SLCO2B1: variants seen among roughly 807,000 people sequenced by gnomAD.
SLCO2B1 encodes the protein OATP-RP2.
A neutral mutation model predicts 67.3 loss-of-function variants in SLCO2B1; 41 were observed. That is an observed-to-expected ratio of 0.61 (90% CI 0.47 to 0.79). The LOEUF is 0.79. Ranked by LOEUF, SLCO2B1 falls within the 30% of genes least tolerant of loss-of-function variation. The pLI is 0.00. For missense variants in SLCO2B1, 837 were observed against 920.1 expected, an observed-to-expected ratio of 0.91 and a Z score of 1.17; for synonymous variants, 379 against 381.4, an observed-to-expected ratio of 0.99 and a Z score of 0.07.
chr11:75,188,292 A>T, intron 8 of SLCO2B1, 54 bp downstream of exon 8: 1 of 1,168,374 alleles, frequency 8.6e-7, no homozygotes, highest in Non-Finnish European at 1.3e-6. Flanking sequence ...GGTCTTCGAG[A>T]TTGTCAGGAT....
chr11:75,197,334 T>C (rs376608564), intron 10 of SLCO2B1, among the ~76,000 whole-genome samples: 82 of 152,304 alleles, frequency 5.4e-4, no homozygotes, highest in African/African-American at 1.9e-3. Context: ...GAAGCCTTCA[T>C]GGGAAGTGGC....
chr11:75,178,534 T>C (rs1950054017), intron 7 of SLCO2B1, among the ~76,000 whole-genome samples: 1 of 152,260 alleles, frequency 6.6e-6, no homozygotes, highest in South Asian at 2.1e-4. Flanking sequence ...AAATTATATG[T>C]ATTTATGGTG....
intron 10 of SLCO2B1, 30 bp downstream of exon 10, chr11:75,196,709 C>A: frequency 1.2e-6 from 2 of 1,601,130 alleles, no homozygotes; most frequent in East Asian, 2.2e-5. Context: ...GCAACCTCTG[C>A]CCCTCAGGAC....
In SLCO2B1 at chr11:75,193,855, C is replaced by A. The variant is rs891724902; in HGVS notation, c.1433+280C>A. Among the ~76,000 whole-genome samples the A allele has an allele frequency of 6.6e-6, 1 of 152,154 alleles. No homozygotes were observed. Among genetic ancestry groups the A allele is most frequent in the East Asian group, 1.9e-4 (1 of 5,174 alleles). On this transcript the variant is annotated intron_variant, in intron 9 of 13. Coordinates refer to ENST00000289575, the MANE Select transcript of SLCO2B1 (RefSeq NM_007256.5). This position sits in a 1 kb window ranked among gnomAD's most constrained non-coding sequence, Gnocchi z 4.2. ...GGAGGCTGAGATAGGGCAGAGCCAC[C>A]CATGGGATGGCATGTCCAGGGTGAC...
chr11:75,163,953 C>G lies in SLCO2B1; in HGVS notation c.148-10C>G. The G allele has an allele frequency of 6.3e-7, 1 of 1,592,620 alleles. No individual in the cohort carries two copies. Among genetic ancestry groups the G allele is most frequent in the South Asian group, 1.1e-5 (1 of 87,626 alleles). ...CGCCCACCTCTGCCTGCCTCCGGGT[C>G]CCCCCACAGCTGTTCGTTCTGTGCC... On this transcript the variant is annotated splice_polypyrimidine_tract_variant and intron_variant, in intron 2 of 13. Coordinates refer to ENST00000289575, the MANE Select transcript of SLCO2B1 (RefSeq NM_007256.5).
chr11:75,184,963 G>A (rs758448720), intron 7 of SLCO2B1, among the ~76,000 whole-genome samples: 1 of 152,094 alleles, frequency 6.6e-6, no homozygotes, highest in Non-Finnish European at 1.5e-5. Flanking sequence ...TTTCTGCCAT[G>A]CCACAAACAT....
intron 7 of SLCO2B1, among the ~76,000 whole-genome samples, chr11:75,176,484 T>C (rs1950025373): frequency 1.3e-5 from 2 of 152,250 alleles, no homozygotes; most frequent in African/African-American, 2.4e-5. Context: ...GGTTTTAAAG[T>C]CTGTGTTCCT....
At chr11:75,177,916 G>C (rs953763583) in intron 7 of SLCO2B1, among the ~76,000 whole-genome samples, 13 of 151,924 alleles carry the variant, frequency 8.6e-5, no homozygotes, top group African/African-American at 2.7e-4. Context: ...ACCAAATGGT[G>C]AAACCCGTCT....
intron 7 of SLCO2B1, among the ~76,000 whole-genome samples, chr11:75,175,843 T>C (rs1335346131): frequency 2.0e-5 from 3 of 152,156 alleles, no homozygotes; most frequent in Non-Finnish European, 4.4e-5. Flanking sequence ...ATTTCTCCCA[T>C]GGCCATGATT....
intron 7 of SLCO2B1, among the ~76,000 whole-genome samples, chr11:75,175,535 C>A (rs757601421): frequency 1.3e-4 from 20 of 152,066 alleles, no homozygotes; most frequent in African/African-American, 2.4e-5. Context: ...GAAGTAAATG[C>A]TGTTTTTAAA....
rs368074989 is a variant in SLCO2B1, at chr11:75,163,960, C to T, written c.148-3C>T. The T allele has an allele frequency of 4.9e-5, 79 of 1,596,288 alleles. No homozygotes were observed. Among genetic ancestry groups the T allele is most frequent in the Admixed American group, 1.7e-5 (1 of 57,814 alleles). On this transcript the variant is annotated splice_region_variant and splice_polypyrimidine_tract_variant and intron_variant, in intron 2 of 13. Coordinates refer to ENST00000289575, the MANE Select transcript of SLCO2B1 (RefSeq NM_007256.5). ...CTCTGCCTGCCTCCGGGTCCCCCCA[C>T]AGCTGTTCGTTCTGTGCCACAGCCT... is the stretch of plus-strand genomic sequence containing the variant.
rs78922583 is a variant in SLCO2B1 at position 75,186,857 on chromosome 11, G to A, written c.973-1279G>A. Among the ~76,000 whole-genome samples the A allele has an allele frequency of 2.1e-3, 320 of 152,326 alleles. 3 individuals are homozygous for A. Among genetic ancestry groups the A allele is most frequent in the African/African-American group, 7.5e-3 (312 of 41,568 alleles). ...TCACACAGTTTTGTGTTAGAGAAAT[G>A]TAGGTAGAGTACTCTGGGGCCTTGG... On this transcript the variant is annotated intron_variant, in intron 7 of 13. Transcript: ENST00000289575.
intron 2 of SLCO2B1, among the ~76,000 whole-genome samples, chr11:75,163,464 G>A (rs966829676): frequency 1.3e-5 from 2 of 152,038 alleles, no homozygotes; most frequent in Non-Finnish European, 2.9e-5. Context: ...AGTGGGGGTG[G>A]GATGGAGAAG....
intron 11 of SLCO2B1, chr11:75,200,598 A>T: frequency 2.0e-6 from 1 of 500,970 alleles, no homozygotes; most frequent in South Asian, 3.4e-5. Context: ...GGCTCAGAGA[A>T]GTTCAGGAGC....
intron 8 of SLCO2B1, among the ~76,000 whole-genome samples, chr11:75,190,182 C>T (rs916571197): frequency 2.0e-5 from 3 of 152,162 alleles, no homozygotes; most frequent in Non-Finnish European, 2.9e-5. Context: ...GGCTTCTGCC[C>T]GGAGGGAAGC....
At chr11:75,203,100 T>A in intron 12 of SLCO2B1, 135 bp downstream of exon 12, 1 of 1,140,312 alleles carries the variant, frequency 8.8e-7, no homozygotes, top group Non-Finnish European at 1.3e-6. Context: ...GTGACAGACC[T>A]GGCCCAGCTC....
intron 1 of SLCO2B1, among the ~76,000 whole-genome samples, chr11:75,153,931 T>TTC (rs1403573520): frequency 6.7e-6 from 1 of 150,268 alleles, no homozygotes; most frequent in Non-Finnish European, 1.5e-5. Context: ...GTACTTTTTT[T>TTC]TTTTTTTTTT....
chr11:75,183,337 C>T (rs904468811), intron 7 of SLCO2B1, among the ~76,000 whole-genome samples: 4 of 152,080 alleles, frequency 2.6e-5, no homozygotes, highest in Non-Finnish European at 1.5e-5. Flanking sequence ...TAGAGCCATG[C>T]GTGACAGGTG....
intron 6 of SLCO2B1, among the ~76,000 whole-genome samples, chr11:75,170,326 CA>C (rs1479564074): frequency 1.3e-5 from 2 of 152,162 alleles, no homozygotes; most frequent in Non-Finnish European, 2.9e-5. Context: ...AGGAAACTGC[CA>C]GGGGCACCAT....
Sources: gnomAD v4.1 joint callset for allele counts (sites outside exome capture counted in the v4.1 genomes callset) on GRCh38, gnomAD v4.1.1 for gene constraint, Gnocchi (gnomAD v3.1) non-coding constraint, MANE v1.5 for transcripts, NCBI Gene and HGNC (gene_info 2026-07-23, HGNC 2026-07-21) for gene names.